RHOU: variants seen among roughly 807,000 people sequenced by gnomAD.
RHOU encodes ras homolog family member U, also known as rho-related GTP-binding protein RhoU.
Under a neutral mutation model 12.6 loss-of-function variants are expected in RHOU, and 8 were observed. The observed-to-expected ratio is 0.64, with a 90% CI of 0.37 to 1.15. The LOEUF (loss-of-function observed/expected upper bound fraction) is 1.15, where lower values mean the gene tolerates loss of function less well. Among genes scored for constraint, RHOU ranks in the 50% most tolerant of loss-of-function variants. The probability of loss-of-function intolerance (pLI) is 0.01; values close to 1 mark genes in which losing one functional copy is unlikely to be tolerated. For missense variants in RHOU, 258 were observed against 347.0 expected (o/e 0.74, Z 2.04); for synonymous variants, 161 against 147.4 (o/e 1.09, Z -0.67).
At chr1:228,705,373 C>G in the RHOU span, among the ~76,000 whole-genome samples, 2 of 152,092 alleles carry the variant, frequency 1.3e-5, no homozygotes, top group Non-Finnish European at 2.9e-5. Context: ...GGGCCTAATT[C>G]CGACACATGT....
chr1:228,737,995 C>G lies in RHOU; in HGVS notation c.321+264C>G, dbSNP rs574078596. Among the ~76,000 whole-genome samples, 2 of 152,326 alleles carry G rather than the reference C, an allele frequency of 1.3e-5. No homozygotes were observed. Among genetic ancestry groups the G allele is most frequent in the African/African-American group, 4.8e-5 (2 of 41,572 alleles). On this transcript the variant is annotated intron_variant, in intron 2 of 2. Coordinates refer to ENST00000366691, the MANE Select transcript of RHOU (RefSeq NM_021205.6). This position sits in a 1 kb window ranked among gnomAD's most constrained non-coding sequence, Gnocchi z 4.1. ...GCAAGGGAGGAAGCAGTGTCAAGAA[C>G]AGCTCTTGTAGGAGTTTCTATTACT...
At chr1:228,669,041 C>T in the RHOU span, among the ~76,000 whole-genome samples, 1 of 152,176 alleles carries the variant, frequency 6.6e-6, no homozygotes, top group Admixed American at 6.5e-5. Flanking sequence ...GTGGGTGTCC[C>T]TGGAGGGCAC....
chr1:228,734,344 G>A (rs1435178076), upstream of RHOU, among the ~76,000 whole-genome samples: 7 of 152,084 alleles, frequency 4.6e-5, no homozygotes, highest in Non-Finnish European at 1.5e-5. Flanking sequence ...ATGGCCATAC[G>A]TTCAAGATTA....
the RHOU span, among the ~76,000 whole-genome samples, chr1:228,686,435 A>C: frequency 1.3e-5 from 2 of 152,192 alleles, no homozygotes; most frequent in African/African-American, 4.8e-5. Flanking sequence ...GCAATAAAAC[A>C]ATAAAAATAT....
the RHOU span, among the ~76,000 whole-genome samples, chr1:228,729,093 A>G: frequency 1.1e-4 from 16 of 151,984 alleles, no homozygotes; most frequent in African/African-American, 3.9e-4. Context: ...TCGGAGTTTC[A>G]CCATATTGGC....
At chr1:228,708,178 C>T in the RHOU span, among the ~76,000 whole-genome samples, 2 of 152,164 alleles carry the variant, frequency 1.3e-5, no homozygotes, top group African/African-American at 4.8e-5. Context: ...AAATCTACGT[C>T]TGATTGGTGT....
At chr1:228,658,171 T>G in the RHOU span, among the ~76,000 whole-genome samples, 1 of 151,126 alleles carries the variant, frequency 6.6e-6, no homozygotes, top group Non-Finnish European at 1.5e-5. Flanking sequence ...TCCAAGCTAC[T>G]CAGGAGGCTG....
chr1:228,674,803 T>C, the RHOU span, among the ~76,000 whole-genome samples: 1 of 152,090 alleles, frequency 6.6e-6, no homozygotes, highest in African/African-American at 2.4e-5. Flanking sequence ...CGACCTCGGC[T>C]CACTGCAAGC....
At chr1:228,729,077 G>A in the RHOU span, among the ~76,000 whole-genome samples, 1 of 151,954 alleles carries the variant, frequency 6.6e-6, no homozygotes. Context: ...TATATTTTCA[G>A]TAGAGTCGGA....
chr1:228,651,554 C>G, the RHOU span, among the ~76,000 whole-genome samples: 29 of 152,340 alleles, frequency 1.9e-4, no homozygotes, highest in East Asian at 5.2e-3. Context: ...AGGGTAGGTT[C>G]TCAGGATTGA....
Position 228,743,641 on chromosome 1 carries a change from G to A in RHOU, c.678G>A (p.Ser226=), listed in dbSNP as rs535332740. ...CCATCGTCGCTGGCATTCAATACTC[G>A]GACACTCAGCAACAGCCAAAGAAGT... The part of the protein sequence containing the change: ...DAAIVAGIQY[S]DTQQQPKKSK... The change falls in exon 3 of 3, where the codon TCG becomes TCA. Residue 226 remains serine (S), a synonymous_variant. Transcript: ENST00000366691. This position sits in a 1 kb window ranked among gnomAD's most constrained non-coding sequence, Gnocchi z 5.1. The A allele has an allele frequency of 1.5e-4, 249 of 1,614,032 alleles. No individual in the cohort carries two copies. The highest frequency in any genetic ancestry group is 5.5e-4 in the South Asian group (50 of 91,078).
Position 228,743,538 on chromosome 1 carries a change from C to T in RHOU, c.575C>T (p.Ala192Val). ...PVPEEAAKLC[A>V]EEIKAASYIE... ...CCTGAAGAGGCGGCTAAGCTGTGCG[C>T]CGAGGAAATCAAAGCCGCCTCCTAC... Residue 192 changes from alanine to valine, a missense_variant, in exon 3 of 3, where the codon GCC becomes GTC. Transcript: ENST00000366691. The surrounding 1 kb of genome is among the most constrained non-coding windows in gnomAD (Gnocchi z 5.1). 6.8e-6 allele frequency: 11 copies of T among 1,614,152 alleles called. No homozygotes were observed. The highest frequency in any genetic ancestry group is 8.5e-6 in the Non-Finnish European group (10 of 1,180,034).
the RHOU span, among the ~76,000 whole-genome samples, chr1:228,678,475 G>A: frequency 4.6e-5 from 7 of 152,154 alleles, no homozygotes; most frequent in African/African-American, 7.2e-5. Context: ...TGCCCTGAGC[G>A]ATGGGATGTG....
rs530464879 is a variant in RHOU at position 228,744,035 on chromosome 1, C to T, written c.*295C>T. 23 of 302,128 alleles carry T rather than the reference C, an allele frequency of 7.6e-5. No individual in the cohort carries two copies. In the South Asian group the frequency reaches 1.1e-3, roughly 14 times the overall value. The allele number at this position is 302,128 out of a possible 1,614,324, so 18.7% of individuals were successfully genotyped here. On this transcript the variant is annotated 3_prime_UTR_variant, in exon 3 of 3. Coordinates refer to ENST00000366691, the MANE Select transcript of RHOU (RefSeq NM_021205.6). ...ATTTATATCTAATATGAAGAAGACA[C>T]CTCTAATCTGGATGTTAAGAATGAA...
At chr1:228,688,653 C>A in the RHOU span, among the ~76,000 whole-genome samples, 2 of 152,184 alleles carry the variant, frequency 1.3e-5, no homozygotes, top group African/African-American at 4.8e-5. Flanking sequence ...CTGAGCCTGG[C>A]CATGGCCAGT....
chr1:228,669,510 A>C, the RHOU span, among the ~76,000 whole-genome samples: 1 of 152,140 alleles, frequency 6.6e-6, no homozygotes, highest in South Asian at 2.1e-4. Flanking sequence ...AAACCTAAGA[A>C]TGTTTTTTCT....
the RHOU span, among the ~76,000 whole-genome samples, chr1:228,702,926 G>T: frequency 6.6e-6 from 1 of 152,098 alleles, no homozygotes; most frequent in Non-Finnish European, 1.5e-5. Context: ...GCTCTAAGTA[G>T]TTGTTAGCTA....
At chr1:228,695,002 C>CT in the RHOU span, among the ~76,000 whole-genome samples, 1 of 152,104 alleles carries the variant, frequency 6.6e-6, no homozygotes, top group Non-Finnish European at 1.5e-5. Context: ...CAAGGTATCA[C>CT]TTTATCATCC....
rs1049332148 is a variant in RHOU at position 228,745,197 on chromosome 1, A to G, written c.*1457A>G. The G allele has an allele frequency of 2.0e-5, 3 of 152,138 alleles. No homozygotes were observed. The highest frequency in any genetic ancestry group is 4.4e-5 in the Non-Finnish European group (3 of 68,030). The allele number at this position is 152,138 out of a possible 1,614,324, so 9.4% of individuals were successfully genotyped here. On this transcript the variant is annotated 3_prime_UTR_variant, in exon 3 of 3. Transcript: ENST00000366691. The stretch of plus-strand genomic sequence containing the variant: ...TCAAGGTGGCAGCTGTTAGGGCTGA[A>G]TCTTCTGGAGAAAAAGGTGCCATCT...
Sources: gnomAD v4.1 joint callset for allele counts (sites outside exome capture counted in the v4.1 genomes callset) on GRCh38, gnomAD v4.1.1 for gene constraint, Gnocchi (gnomAD v3.1) non-coding constraint, MANE v1.5 for transcripts, NCBI Gene and HGNC (gene_info 2026-07-23, HGNC 2026-07-21) for gene names.